The following PRKCQ variants were observed in gnomAD, a reference collection of about 807,000 sequenced individuals.
PRKCQ encodes the protein protein kinase C theta type.
A neutral mutation model predicts 91.2 loss-of-function variants in PRKCQ; 41 were observed. The ratio of observed to expected loss-of-function variants is 0.45; its 90% CI spans 0.35 to 0.58. PRKCQ has a LOEUF of 0.58. PRKCQ is among the 20% of genes least tolerant of loss of function. PRKCQ has a pLI of 0.00. For missense variants in PRKCQ, 673 were observed against 896.5 expected, an observed-to-expected ratio of 0.75 and a Z score of 3.18; for synonymous variants, 307 against 316.9, an observed-to-expected ratio of 0.97 and a Z score of 0.33.
At chr10:6,467,554 T>C (rs1417024755) in intron 12 of PRKCQ, among the ~76,000 whole-genome samples, 1 of 152,108 alleles carries the variant, frequency 6.6e-6, no homozygotes, top group Non-Finnish European at 1.5e-5. Flanking sequence ...AATGATTCTT[T>C]CCGGTGGGTG....
intron 15 of PRKCQ, among the ~76,000 whole-genome samples, chr10:6,448,653 C>T (rs542367432): frequency 9.2e-5 from 14 of 152,232 alleles, no homozygotes; most frequent in Non-Finnish European, 1.9e-4. Context: ...ATGATCCACC[C>T]GCCTCAGCCT....
intron 14 of PRKCQ, among the ~76,000 whole-genome samples, chr10:6,461,020 C>G (rs890744735): frequency 6.6e-6 from 1 of 151,898 alleles, no homozygotes; most frequent in African/African-American, 2.4e-5. Flanking sequence ...ATCCATCCAT[C>G]CATCCAGGTA....
At chr10:6,439,144 G>C (rs962606571) in intron 16 of PRKCQ, among the ~76,000 whole-genome samples, 1 of 152,110 alleles carries the variant, frequency 6.6e-6, no homozygotes, top group Admixed American at 6.6e-5. Context: ...GTGTTCCTCT[G>C]TCTCCACGTG....
At chr10:6,402,371 CAAAAAAAAAA>C in the PRKCQ span, among the ~76,000 whole-genome samples, 3 of 66,548 alleles carry the variant, frequency 4.5e-5, no homozygotes, top group Admixed American at 1.8e-4. Flanking sequence ...ATTTCAATGC[CAAAAAAAAAA>C]AAAAAAAAAA....
At chr10:6,474,747 T>C (rs754287513) in intron 12 of PRKCQ, among the ~76,000 whole-genome samples, 1 of 152,230 alleles carries the variant, frequency 6.6e-6, no homozygotes, top group African/African-American at 2.4e-5. Context: ...TGTAAGTGGA[T>C]AGTTAAAAGA....
the PRKCQ span, among the ~76,000 whole-genome samples, chr10:6,417,401 A>G: frequency 3.9e-5 from 6 of 152,380 alleles, no homozygotes; most frequent in African/African-American, 1.4e-4. Flanking sequence ...ACAAAAAACA[A>G]TAACCTTGTG....
At chr10:6,557,760 G>C (rs1840476070) in intron 1 of PRKCQ, among the ~76,000 whole-genome samples, 1 of 152,114 alleles carries the variant, frequency 6.6e-6, no homozygotes. Flanking sequence ...AAACAAACAT[G>C]AATTCTACTT....
intron 8 of PRKCQ, among the ~76,000 whole-genome samples, chr10:6,488,109 T>C (rs1032495925): frequency 3.2e-4 from 48 of 151,896 alleles, no homozygotes; most frequent in African/African-American, 1.1e-3. Flanking sequence ...AGTGTTGTAA[T>C]AGAAGCAGGC....
At chr10:6,534,774 C>CTCTA (rs1554780269) in intron 1 of PRKCQ, among the ~76,000 whole-genome samples, 1 of 142,796 alleles carries the variant, frequency 7.0e-6, no homozygotes, top group East Asian at 2.0e-4. Flanking sequence ...AAACATATAT[C>CTCTA]TATATATATA....
intron 1 of PRKCQ, among the ~76,000 whole-genome samples, chr10:6,525,407 G>T (rs1839164339): frequency 6.6e-6 from 1 of 152,064 alleles, no homozygotes; most frequent in Non-Finnish European, 1.5e-5. Context: ...GCTAAACCCT[G>T]CCTCTACTAA....
In PRKCQ at chr10:6,498,679, C is replaced by T. The variant is rs544173687; in HGVS notation, c.380-121G>A. Reference sequence around the variant, plus strand: ...GAGGAGGACCAGCTCTGAGTACCTGCTGTAACATTCCAGGTACTCATTATG... The same window carrying T: ...GAGGAGGACCAGCTCTGAGTACCTGTTGTAACATTCCAGGTACTCATTATG... On this transcript the variant is annotated intron_variant, in intron 4 of 17. Transcript: ENST00000263125. The T allele has an allele frequency of 3.4e-6, 3 of 875,724 alleles. No individual in the cohort carries two copies. The Admixed American group carries it at 7.5e-5, about 22-fold the overall frequency. The allele number at this position is 875,724 out of a possible 1,614,324, so 54.2% of individuals were successfully genotyped here.
At chr10:6,456,947 C>G (rs946275862) in intron 14 of PRKCQ, 135 bp from the exon 15 acceptor site, 1 of 834,212 alleles carries the variant, frequency 1.2e-6, no homozygotes. Context: ...TATCTATCCA[C>G]TTGCACACCA....
At chr10:6,566,098 C>T (rs1400624039) in intron 1 of PRKCQ, among the ~76,000 whole-genome samples, 2 of 152,222 alleles carry the variant, frequency 1.3e-5, no homozygotes, top group Non-Finnish European at 2.9e-5. Flanking sequence ...ACTTGGTTAT[C>T]ATAACCTTCC....
the PRKCQ span, among the ~76,000 whole-genome samples, chr10:6,411,640 G>A: frequency 2.6e-5 from 4 of 152,184 alleles, no homozygotes; most frequent in Admixed American, 6.5e-5. Context: ...CGTATTGGCC[G>A]TGACTGTTTT....
chr10:6,395,162 C>G, the PRKCQ span, among the ~76,000 whole-genome samples: 1 of 147,940 alleles, frequency 6.8e-6, no homozygotes, highest in Non-Finnish European at 1.5e-5. Context: ...CTCCCGGGTT[C>G]ACGCCATTCT....
Position 6,486,047 on chromosome 10 carries a change from C to G in PRKCQ, c.888G>C (p.Glu296Asp). 2 of 1,613,906 alleles carry G rather than the reference C, an allele frequency of 1.2e-6. No individual in the cohort carries two copies. Among genetic ancestry groups the G allele is most frequent in the Non-Finnish European group, 1.7e-6 (2 of 1,180,000 alleles). Residue 296 changes from glutamate (E) to aspartate (D), a missense_variant, in exon 9 of 18, where the codon GAG becomes GAC. Physicochemically the swap from Glu to Asp is conservative, Grantham distance 45. Transcript: ENST00000263125. ...CACATGCTCCTACCTGTTGAGTGCTCTCAATCATGGCCAGCGCTTCAGCCA... is the reference window on the plus strand; with the variant it reads ...CACATGCTCCTACCTGTTGAGTGCTGTCAATCATGGCCAGCGCTTCAGCCA... ...KLMAEALAMI[E>D]STQQARCLRD...
intron 15 of PRKCQ, among the ~76,000 whole-genome samples, chr10:6,445,133 A>ATC (rs1384083076): frequency 0.19 from 27,314 of 145,920 alleles, 3,633 homozygotes; most frequent in Non-Finnish European, 0.26. Context: ...AAAAAAAAAA[A>ATC]AAAAAAAAAA....
intron 13 of PRKCQ, 96 bp downstream of exon 13, chr10:6,464,217 G>A (rs559415035): frequency 1.1e-5 from 12 of 1,047,196 alleles, no homozygotes; most frequent in Non-Finnish European, 1.7e-5. Context: ...ACCTGGCCCT[G>A]GGATTCAGGC....
rs527358441 is a variant in PRKCQ, at chr10:6,465,821, C to A, written c.1354-1417G>T. 6.6e-6 allele frequency among the ~76,000 whole-genome samples: 1 copy of A among 152,192 alleles called. No individual in the cohort carries two copies. The highest frequency in any genetic ancestry group is 6.5e-5 in the Admixed American group (1 of 15,272). On this transcript the variant is annotated intron_variant, in intron 12 of 17. Transcript: ENST00000263125. The surrounding 1 kb of genome is among the most constrained non-coding windows in gnomAD (Gnocchi z 4.4). ...TCCGTCTTTTTTCAATGTTAGTTTC[C>A]GATCTGATTTACTAATTCCATATAT...
Sources: allele counts gnomAD v4.1 joint callset (sites outside exome capture counted in the v4.1 genomes callset), GRCh38; gene constraint gnomAD v4.1.1; non-coding constraint Gnocchi (gnomAD v3.1); transcripts MANE v1.5; gene names NCBI Gene and HGNC (gene_info 2026-07-23, HGNC 2026-07-21).